Variants in KCNAB1 observed in about 807,000 individuals in gnomAD.
KCNAB1 encodes potassium voltage-gated channel subfamily A regulatory beta subunit 1, also known as voltage-gated potassium channel subunit beta-1.
KCNAB1 carries 35 observed loss-of-function variants against 64.6 expected under a neutral mutation model. The ratio of observed to expected loss-of-function variants is 0.54; its 90% CI spans 0.41 to 0.72. KCNAB1 has a LOEUF of 0.72. Among genes scored for constraint, KCNAB1 ranks in the 30% least tolerant of loss-of-function variants. KCNAB1 has a pLI of 0.00. For synonymous variants in KCNAB1, 177 were observed against 183.8 expected (o/e 0.96, Z 0.30); for missense variants, 401 against 512.9 (o/e 0.78, Z 2.11).
intron 2 of KCNAB1, among the ~76,000 whole-genome samples, chr3:156,449,274 A>G (rs548932485): frequency 2.6e-5 from 4 of 152,260 alleles, no homozygotes; most frequent in Non-Finnish European, 5.9e-5. Flanking sequence ...GAAACCTCAC[A>G]TCTTTTTTTC....
chr3:156,358,927 A>G (rs1424657042), intron 1 of KCNAB1, among the ~76,000 whole-genome samples: 2 of 152,256 alleles, frequency 1.3e-5, no homozygotes, highest in East Asian at 1.9e-4. Context: ...TTTTCAGCAG[A>G]GAACTGTATA....
At chr3:156,159,251 C>T (rs1366743114) in intron 1 of KCNAB1, among the ~76,000 whole-genome samples, 1 of 152,062 alleles carries the variant, frequency 6.6e-6, no homozygotes, top group Non-Finnish European at 1.5e-5. Flanking sequence ...ATTCTTAGCT[C>T]TCTTCTTGCT....
chr3:156,294,668 T>A (rs1720668604), intron 1 of KCNAB1, among the ~76,000 whole-genome samples: 2 of 152,196 alleles, frequency 1.3e-5, no homozygotes, highest in South Asian at 4.1e-4. Flanking sequence ...ATAATTGGCT[T>A]AGGTAAGCAA....
intron 1 of KCNAB1, among the ~76,000 whole-genome samples, chr3:156,341,106 T>C (rs1395985171): frequency 6.6e-6 from 1 of 152,224 alleles, no homozygotes; most frequent in Non-Finnish European, 1.5e-5. Context: ...TGAAATACAC[T>C]TTGAAATCTC....
intron 2 of KCNAB1, among the ~76,000 whole-genome samples, chr3:156,445,314 A>C (rs1483124323): frequency 6.6e-6 from 1 of 152,134 alleles, no homozygotes; most frequent in East Asian, 1.9e-4. Context: ...AAACCAAAAC[A>C]AAGCACAAAG....
chr3:156,477,558 C>T (rs929683895), intron 8 of KCNAB1, among the ~76,000 whole-genome samples: 21 of 152,164 alleles, frequency 1.4e-4, no homozygotes, highest in Admixed American at 1.1e-3. Flanking sequence ...GGACATTCCA[C>T]AGGCAGCTCC....
At chr3:156,170,193 C>T (rs933174793) in intron 1 of KCNAB1, among the ~76,000 whole-genome samples, 3 of 150,594 alleles carry the variant, frequency 2.0e-5, no homozygotes, top group African/African-American at 7.3e-5. Flanking sequence ...TGGGGCCAAT[C>T]GTCATGGGTT....
chr3:156,296,430 A>G (rs1480554809), intron 1 of KCNAB1, among the ~76,000 whole-genome samples: 1 of 151,108 alleles, frequency 6.6e-6, no homozygotes, highest in African/African-American at 2.4e-5. Flanking sequence ...TTCATTGAAA[A>G]CAATCTTTAA....
chr3:156,158,435 C>G (rs1430272421), intron 1 of KCNAB1, among the ~76,000 whole-genome samples: 1 of 152,066 alleles, frequency 6.6e-6, no homozygotes, highest in African/African-American at 2.4e-5. Context: ...AATTTGGGCT[C>G]TCATGTAAAC....
chr3:156,445,977 T>G (rs1711517765), intron 2 of KCNAB1: 1 of 152,042 alleles, frequency 6.6e-6, no homozygotes. Flanking sequence ...AGTCACAGAG[T>G]TAATGCAAGA....
chr3:156,387,014 C>CTTTTTTTTTTTTTTTTTTTTTTTT (rs1194708289), intron 1 of KCNAB1, among the ~76,000 whole-genome samples: 1 of 90,526 alleles, frequency 1.1e-5, no homozygotes, highest in African/African-American at 5.4e-5. Context: ...TTCTCTCTCT[C>CTTTTTTTTTTTTTTTTTTTTTTTT]TTTTTTTTTT....
chr3:156,214,442 A>G (rs1435716297), intron 1 of KCNAB1, among the ~76,000 whole-genome samples: 1 of 152,154 alleles, frequency 6.6e-6, no homozygotes, highest in Non-Finnish European at 1.5e-5. Context: ...TGGAAAACCC[A>G]CACGTTCGGT....
At chr3:156,257,871 G>A (rs950058287) in intron 1 of KCNAB1, among the ~76,000 whole-genome samples, 3 of 152,126 alleles carry the variant, frequency 2.0e-5, no homozygotes, top group East Asian at 1.9e-4. Context: ...TGGGAGCAGC[G>A]GAAGAAGGGA....
chr3:156,190,333 A>G (rs756571048), intron 1 of KCNAB1, among the ~76,000 whole-genome samples: 4 of 152,182 alleles, frequency 2.6e-5, no homozygotes, highest in Non-Finnish European at 4.4e-5. Context: ...TGTATTAAAC[A>G]TAAAAAACTT....
chr3:156,338,626 T>C (rs1008695964), intron 1 of KCNAB1, among the ~76,000 whole-genome samples: 2 of 152,276 alleles, frequency 1.3e-5, no homozygotes, highest in Admixed American at 6.5e-5. Flanking sequence ...ATTTGCACTT[T>C]CTTTCATTTC....
intron 1 of KCNAB1, among the ~76,000 whole-genome samples, chr3:156,388,995 G>A (rs1161673502): frequency 6.6e-6 from 1 of 152,206 alleles, no homozygotes; most frequent in Non-Finnish European, 1.5e-5. Flanking sequence ...AGGTGTTTTG[G>A]TAAGTTCCCT....
intron 1 of KCNAB1, among the ~76,000 whole-genome samples, chr3:156,210,271 G>C (rs1281263286): frequency 6.6e-6 from 1 of 152,116 alleles, no homozygotes; most frequent in Non-Finnish European, 1.5e-5. Context: ...TTTACTTGGG[G>C]TACATTTCAC....
intron 2 of KCNAB1, among the ~76,000 whole-genome samples, chr3:156,422,668 T>C (rs1212747100): frequency 6.6e-6 from 1 of 152,226 alleles, no homozygotes; most frequent in Non-Finnish European, 1.5e-5. Context: ...GACTTATGAC[T>C]CCAATTTAGA....
intron 1 of KCNAB1, among the ~76,000 whole-genome samples, chr3:156,370,706 G>A (rs1277202687): frequency 6.6e-6 from 1 of 152,352 alleles, no homozygotes; most frequent in East Asian, 1.9e-4. Flanking sequence ...CTCTCCCACT[G>A]TTGTGCCGAA....
Sources: gnomAD v4.1 joint callset for allele counts (sites outside exome capture counted in the v4.1 genomes callset) on GRCh38, gnomAD v4.1.1 for gene constraint, MANE v1.5 for transcripts, NCBI Gene and HGNC (gene_info 2026-07-23, HGNC 2026-07-21) for gene names.